Variants in ESRRB observed in about 807,000 individuals in gnomAD.
ESRRB encodes steroid hormone receptor ERR2.
ESRRB carries 16 observed loss-of-function variants against 46.0 expected under a neutral mutation model. The observed-to-expected ratio is 0.35, with a 90% confidence interval of 0.24 to 0.53. The LOEUF is 0.53. ESRRB is among the 20% of genes least tolerant of loss of function. The pLI is 0.93. For synonymous variants in ESRRB, 246 were observed against 259.6 expected (o/e 0.95, Z 0.50); for missense variants, 488 against 607.4 (o/e 0.80, Z 2.07).
chr14:76,472,797 T>C lies in ESRRB; in HGVS notation c.578-9219T>C, dbSNP rs139407734. On this transcript the variant is annotated intron_variant, in intron 3 of 6. Coordinates refer to ENST00000644823, the MANE Select transcript of ESRRB (RefSeq NM_001379180.1). The stretch of plus-strand genomic sequence containing the variant: ...CCTCCTCCTGGAGATGGGTCAGCTA[T>C]AGTTTGGTAGAACCTACAGGCAGGG... 6.5e-3 allele frequency among the ~76,000 whole-genome samples: 987 copies of C among 152,326 alleles called. 9 individuals are homozygous for C. The highest frequency in any genetic ancestry group is 0.022 in the African/African-American group (909 of 41,566).
At chr14:76,354,721 T>C (rs1884358124) in intron 1 of ESRRB, among the ~76,000 whole-genome samples, 1 of 139,754 alleles carries the variant, frequency 7.2e-6, no homozygotes, top group African/African-American at 2.5e-5. Context: ...TTTTTTTTTT[T>C]TTCTTTGAAA....
At chr14:76,451,703 T>A (rs2139963022) in intron 2 of ESRRB, among the ~76,000 whole-genome samples, 1 of 152,108 alleles carries the variant, frequency 6.6e-6, no homozygotes, top group South Asian at 2.1e-4. Context: ...CTCGGTTCAC[T>A]GCAGATTCTC....
At chr14:76,324,444 C>A (rs1883903908) in intron 1 of ESRRB, among the ~76,000 whole-genome samples, 1 of 152,148 alleles carries the variant, frequency 6.6e-6, no homozygotes, top group African/African-American at 2.4e-5. Flanking sequence ...GAGCAGAGCA[C>A]CAACAGCATC....
rs886349831 is a variant in ESRRB at position 76,379,527 on chromosome 14, T to C, written c.50+3076T>C. Among the ~76,000 whole-genome samples, 4 of 152,288 alleles carry C rather than the reference T, an allele frequency of 2.6e-5. No individual in the cohort carries two copies. In the South Asian group the frequency reaches 6.2e-4, roughly 24 times the overall value. On this transcript the variant is annotated intron_variant, in intron 1 of 6. Transcript: ENST00000644823. The stretch of plus-strand genomic sequence containing the variant: ...TTTTAATGGTACATTTAAAAATAAA[T>C]CAGAGTGAGGACATCAGTCTCGGTT...
intron 1 of ESRRB, among the ~76,000 whole-genome samples, chr14:76,327,237 C>A (rs1883940504): frequency 6.6e-6 from 1 of 152,220 alleles, no homozygotes; most frequent in African/African-American, 2.4e-5. Flanking sequence ...GGCTGGGGAC[C>A]CACGTGGGGG....
At chr14:76,350,768 C>T (rs1884304195) in intron 1 of ESRRB, among the ~76,000 whole-genome samples, 1 of 152,184 alleles carries the variant, frequency 6.6e-6, no homozygotes, top group Non-Finnish European at 1.5e-5. Context: ...ATGGCCTCTA[C>T]CTGATGCCAC....
intron 6 of ESRRB, among the ~76,000 whole-genome samples, chr14:76,493,721 G>A (rs576781521): frequency 2.0e-5 from 3 of 152,310 alleles, no homozygotes; most frequent in African/African-American, 7.2e-5. Context: ...TGGCAAACTG[G>A]GACAGTTGGT....
chr14:76,484,173 TGA>T (rs1889914799), intron 5 of ESRRB, among the ~76,000 whole-genome samples: 1 of 152,142 alleles, frequency 6.6e-6, no homozygotes, highest in South Asian at 2.1e-4. Context: ...CACAGTTGAT[TGA>T]GAGAATAAAA....
chr14:76,421,925 T>TGCCA, intron 1 of ESRRB, among the ~76,000 whole-genome samples: 1 of 152,344 alleles, frequency 6.6e-6, no homozygotes, highest in Non-Finnish European at 1.5e-5. Flanking sequence ...CAGCAGCATC[T>TGCCA]TGCAGGATGA....
At chr14:76,498,007 G>A (rs1401214966) in intron 6 of ESRRB, among the ~76,000 whole-genome samples, 1 of 152,118 alleles carries the variant, frequency 6.6e-6, no homozygotes, top group Non-Finnish European at 1.5e-5. Context: ...AATGTCCCCT[G>A]TAGACGCCAG....
chr14:76,491,023 T>C (rs1041392520), intron 5 of ESRRB, among the ~76,000 whole-genome samples: 8 of 152,128 alleles, frequency 5.3e-5, no homozygotes, highest in African/African-American at 1.2e-4. Context: ...CTCCCCTGGT[T>C]TGAGCAGAGA....
chr14:76,454,991 C>T (rs1439148928), intron 2 of ESRRB, among the ~76,000 whole-genome samples: 1 of 151,618 alleles, frequency 6.6e-6, no homozygotes, highest in Non-Finnish European at 1.5e-5. Context: ...TTGAGACCAG[C>T]CTGGCCAACA....
chr14:76,340,217 G>A (rs1884175933), intron 1 of ESRRB, among the ~76,000 whole-genome samples: 1 of 152,232 alleles, frequency 6.6e-6, no homozygotes, highest in Non-Finnish European at 1.5e-5. Flanking sequence ...ATGCCCAGGG[G>A]CTGGGGATAT....
At chr14:76,315,643 G>A (rs560196973) in intron 1 of ESRRB, among the ~76,000 whole-genome samples, 38 of 152,272 alleles carry the variant, frequency 2.5e-4, no homozygotes, top group African/African-American at 9.1e-4. Flanking sequence ...TGTTCAGCAC[G>A]GAGCACTCGC....
At chr14:76,454,460 C>G (rs943971015) in intron 2 of ESRRB, among the ~76,000 whole-genome samples, 9 of 152,022 alleles carry the variant, frequency 5.9e-5, no homozygotes, top group African/African-American at 2.2e-4. Flanking sequence ...GAGAAACATG[C>G]GAGCCTATCT....
chr14:76,482,732 A>C lies in ESRRB; in HGVS notation c.823A>C (p.Ile275Leu), dbSNP rs371238611. 7 of 1,614,022 alleles carry C rather than the reference A, an allele frequency of 4.3e-6. No homozygotes were observed. Among genetic ancestry groups the C allele is most frequent in the South Asian group, 2.2e-5 (2 of 91,072 alleles). Residue 275 changes from isoleucine (I) to leucine (L), a missense_variant, in exon 5 of 7, where the codon ATC (isoleucine) becomes CTC (leucine). Coordinates refer to ENST00000644823, the MANE Select transcript of ESRRB (RefSeq NM_001379180.1). This position sits in a 1 kb window ranked among gnomAD's most constrained non-coding sequence, Gnocchi z 4.3. ...CCTGGCAGACCGAGAGCTTGTGGTC[A>C]TCATTGGCTGGGCCAAGCACATCCC... ...CDLADRELVV[I>L]IGWAKHIPGF...
intron 5 of ESRRB, among the ~76,000 whole-genome samples, chr14:76,488,288 G>A (rs562572649): frequency 1.3e-5 from 2 of 152,220 alleles, no homozygotes; most frequent in East Asian, 3.9e-4. Context: ...CTATTTTCAG[G>A]GCTTTTTGAA....
chr14:76,500,123 C>G lies in ESRRB; in HGVS notation c.*1665C>G. ...TGGTCCCACCTCCTTGGCTCTACCC[C>G]AGGAACCTCCCGGCCTGGGCTTCTG... On this transcript the variant is annotated 3_prime_UTR_variant, in exon 7 of 7. Coordinates refer to ENST00000644823, the MANE Select transcript of ESRRB (RefSeq NM_001379180.1). 1 of 1,434,190 alleles carries G rather than the reference C, an allele frequency of 7.0e-7. No individual in the cohort carries two copies. The highest frequency in any genetic ancestry group is 9.5e-7 in the Non-Finnish European group (1 of 1,051,514). 88.8% of individuals were successfully genotyped at this position (1,434,190 alleles called of 1,614,324 possible). A position where few individuals can be genotyped will look rare whatever the true frequency, so the allele number is the denominator to read the frequency against.
intron 2 of ESRRB, among the ~76,000 whole-genome samples, chr14:76,462,105 GT>G (rs1204866559): frequency 3.3e-5 from 5 of 152,228 alleles, no homozygotes; most frequent in Non-Finnish European, 7.3e-5. Flanking sequence ...TGGACGCAGA[GT>G]TTCCAGGAGG....
Sources: allele counts gnomAD v4.1 joint callset (sites outside exome capture counted in the v4.1 genomes callset), GRCh38; gene constraint gnomAD v4.1.1; non-coding constraint Gnocchi (gnomAD v3.1); transcripts MANE v1.5; gene names NCBI Gene and HGNC (gene_info 2026-07-23, HGNC 2026-07-21).